The following RTF1 variants were observed in gnomAD, a reference collection of about 807,000 sequenced individuals.
RTF1 encodes RTF1 homolog, Paf1/RNA polymerase II complex component.
In RTF1, 10 loss-of-function variants were observed where a neutral mutation model predicts 95.7. The ratio of observed to expected loss-of-function variants is 0.10; its 90% CI spans 0.06 to 0.18. The LOEUF is 0.18. Ranked by LOEUF, RTF1 falls within the 10% of genes least tolerant of loss-of-function variation. The probability of loss-of-function intolerance (pLI) is 1.00; values close to 1 mark genes in which losing one functional copy is unlikely to be tolerated. For synonymous variants in RTF1, 305 were observed against 311.8 expected (o/e 0.98, Z 0.23); for missense variants, 458 against 875.6 (o/e 0.52, Z 6.02).
At chr15:41,438,967 C>CTT (rs538080651) in intron 2 of RTF1, among the ~76,000 whole-genome samples, 3,586 of 133,084 alleles carry the variant, frequency 0.027, 62 homozygotes, top group Middle Eastern at 0.077. Flanking sequence ...CATTCTGTAG[C>CTT]TTTTTTTTTT....
intron 1 of RTF1, among the ~76,000 whole-genome samples, chr15:41,429,060 T>C (rs963180122): frequency 3.3e-5 from 5 of 152,084 alleles, no homozygotes; most frequent in South Asian, 2.1e-4. Flanking sequence ...TTTTAATTTT[T>C]TGTAGAGACA....
intron 1 of RTF1, among the ~76,000 whole-genome samples, chr15:41,436,558 A>G (rs576810445): frequency 1.4e-5 from 2 of 147,586 alleles, no homozygotes; most frequent in South Asian, 4.3e-4. Context: ...CGGGAGGCGG[A>G]GCTTGCAGTA....
chr15:41,417,334 C>G, intron 1 of RTF1, 21 bp downstream of exon 1: 1 of 1,245,900 alleles, frequency 8.0e-7, no homozygotes. Flanking sequence ...GCCGCGGAGG[C>G]GCGGGCCGGC....
intron 8 of RTF1, among the ~76,000 whole-genome samples, chr15:41,474,355 T>C (rs1333736831): frequency 2.0e-5 from 3 of 152,206 alleles, no homozygotes; most frequent in Non-Finnish European, 1.5e-5. Flanking sequence ...CCTTGTAAGT[T>C]AGAATTAGTT....
chr15:41,423,920 T>A (rs1385907337), intron 1 of RTF1, among the ~76,000 whole-genome samples: 1 of 151,456 alleles, frequency 6.6e-6, no homozygotes, highest in Non-Finnish European at 1.5e-5. Context: ...GCCCGACTAA[T>A]TTTTGTATTT....
intron 1 of RTF1, among the ~76,000 whole-genome samples, chr15:41,427,658 T>G (rs1427977783): frequency 1.3e-5 from 2 of 152,064 alleles, no homozygotes; most frequent in Non-Finnish European, 2.9e-5. Context: ...CCAGCCTGGG[T>G]GACAGTGAGA....
rs114951680 is a variant in RTF1, at chr15:41,446,090, C to T, written c.310-6811C>T. On this transcript the variant is annotated intron_variant, in intron 2 of 17. Coordinates refer to ENST00000389629, the MANE Select transcript of RTF1 (RefSeq NM_015138.5). ...AGAAAAAAACACCTAAATCAGGAAC[C>T]GTGCCCTCTCAAACACATCTTTTTT... Among the ~76,000 whole-genome samples, 309 of 152,140 alleles carry T rather than the reference C, an allele frequency of 2.0e-3. 1 individual carries two copies. Among genetic ancestry groups the T allele is most frequent in the African/African-American group, 5.9e-3 (247 of 41,518 alleles).
chr15:41,451,738 A>G (rs964216983), intron 2 of RTF1, among the ~76,000 whole-genome samples: 7 of 152,238 alleles, frequency 4.6e-5, no homozygotes, highest in African/African-American at 1.7e-4. Flanking sequence ...GGCACAAGCT[A>G]CATTCACTGC....
At chr15:41,439,291 C>T (rs1227011836) in intron 2 of RTF1, among the ~76,000 whole-genome samples, 1 of 152,070 alleles carries the variant, frequency 6.6e-6, no homozygotes, top group African/African-American at 2.4e-5. Flanking sequence ...ACCTTGGCCT[C>T]CCAAAGTGCT....
intron 17 of RTF1, 60 bp from the exon 18 acceptor site, chr15:41,480,520 AG>A (rs1303418122): frequency 1.6e-6 from 2 of 1,242,858 alleles, no homozygotes; most frequent in Non-Finnish European, 2.4e-6. Flanking sequence ...GCAGGAGTGT[AG>A]CACAGGACTA....
chr15:41,427,844 T>C (rs2050644175), intron 1 of RTF1, among the ~76,000 whole-genome samples: 1 of 152,050 alleles, frequency 6.6e-6, no homozygotes. Context: ...TGGAGTGCAG[T>C]GGGGCAATCT....
At chr15:41,473,979 G>A (rs2140654763) in intron 8 of RTF1, among the ~76,000 whole-genome samples, 1 of 152,192 alleles carries the variant, frequency 6.6e-6, no homozygotes, top group African/African-American at 2.4e-5. Flanking sequence ...AGAGGTTGCA[G>A]TGAGCCAAAA....
In RTF1 at chr15:41,470,325, G is replaced by A. The variant is rs781708620; in HGVS notation, c.958G>A (p.Glu320Lys). Reference sequence around the variant, plus strand: ...CTACTCTGATGATGAAGAGGAGGAAGAGGATGACAAATCCAGTGAAAAGTC... The same window carrying A: ...CTACTCTGATGATGAAGAGGAGGAAAAGGATGACAAATCCAGTGAAAAGTC... ...EVYSDDEEEEEDDKSSEKSDR... is the reference protein window; with the variant it reads ...EVYSDDEEEEKDDKSSEKSDR... Residue 320 changes from glutamate (E) to lysine (K), a missense_variant, in exon 7 of 18, where the codon GAG (glutamate) becomes AAG (lysine). By Grantham distance (56) the Glu-to-Lys change is moderately conservative. Transcript: ENST00000389629. 2 of 1,614,160 alleles carry A rather than the reference G, an allele frequency of 1.2e-6. No homozygotes were observed. The highest frequency in any genetic ancestry group is 1.7e-5 in the Admixed American group (1 of 60,020).
intron 1 of RTF1, among the ~76,000 whole-genome samples, chr15:41,426,593 CTG>C (rs1488590574): frequency 6.9e-6 from 1 of 144,750 alleles, no homozygotes; most frequent in Non-Finnish European, 1.5e-5. Flanking sequence ...GCGTGAGCCA[CTG>C]TGCCTGGCCA....
chr15:41,469,032 G>A lies in RTF1; in HGVS notation c.890-1225G>A, dbSNP rs548473214. 1.4e-4 allele frequency among the ~76,000 whole-genome samples: 22 copies of A among 151,762 alleles called. No homozygotes were observed. In the East Asian group the frequency reaches 1.6e-3, roughly 11 times the overall value. On this transcript the variant is annotated intron_variant, in intron 6 of 17. Coordinates refer to ENST00000389629, the MANE Select transcript of RTF1 (RefSeq NM_015138.5). ...TACTCAGTCTGGAGTGCAGTGGCGCGATCTCGGCTCATTGCAACCTTCACC... is the reference window on the plus strand; with the variant it reads ...TACTCAGTCTGGAGTGCAGTGGCGCAATCTCGGCTCATTGCAACCTTCACC...
chr15:41,425,727 T>C (rs577755679), intron 1 of RTF1, among the ~76,000 whole-genome samples: 1 of 152,272 alleles, frequency 6.6e-6, no homozygotes, highest in Non-Finnish European at 1.5e-5. Flanking sequence ...TGGATTGATA[T>C]GGTTGTTATA....
intron 1 of RTF1, among the ~76,000 whole-genome samples, chr15:41,422,225 G>T (rs867216427): frequency 5.3e-5 from 8 of 152,044 alleles, no homozygotes; most frequent in African/African-American, 1.9e-4. Flanking sequence ...CAGTAGAGAC[G>T]CTATGTTGGC....
Position 41,452,961 on chromosome 15 carries a change from G to C in RTF1, c.370G>C (p.Gly124Arg). Reference sequence around the variant, plus strand: ...AAAAGCCAGAAAAATAGAGAAGAAAGGAACCATGAAGAAACAGGCCAACAA... The same window carrying C: ...AAAAGCCAGAAAAATAGAGAAGAAACGAACCATGAAGAAACAGGCCAACAA... ...KGKARKIEKK[G>R]TMKKQANKTA... The change falls in exon 3 of 18, where the codon GGA (glycine) becomes CGA (arginine). Residue 124 changes from glycine to arginine, a missense_variant. Gly to Arg is a moderately radical substitution (Grantham distance 125). Transcript: ENST00000389629. 6.2e-7 allele frequency: 1 copy of C among 1,612,990 alleles called. No individual in the cohort carries two copies. The highest frequency in any genetic ancestry group is 1.1e-5 in the South Asian group (1 of 90,906).
chr15:41,462,656 AT>A (rs2050856750), intron 4 of RTF1, among the ~76,000 whole-genome samples: 1 of 152,142 alleles, frequency 6.6e-6, no homozygotes, highest in African/African-American at 2.4e-5. Flanking sequence ...ATTCTAGAGC[AT>A]TTTGTCACTC....
Sources: allele counts gnomAD v4.1 joint callset (sites outside exome capture counted in the v4.1 genomes callset), GRCh38; gene constraint gnomAD v4.1.1; transcripts MANE v1.5; gene names NCBI Gene and HGNC (gene_info 2026-07-23, HGNC 2026-07-21).